Variants in ELAVL2 observed in about 807,000 individuals in gnomAD.
The protein encoded by ELAVL2 is ELAV like RNA binding protein 2.
Under a neutral mutation model 34.6 loss-of-function variants are expected in ELAVL2, and 4 were observed. The observed-to-expected ratio is 0.12, with a 90% CI of 0.06 to 0.26. The LOEUF (loss-of-function observed/expected upper bound fraction) is 0.26, where lower values mean the gene tolerates loss of function less well. Among genes scored for constraint, ELAVL2 ranks in the 10% least tolerant of loss-of-function variants. The probability of loss-of-function intolerance (pLI) is 1.00; values close to 1 mark genes in which losing one functional copy is unlikely to be tolerated. For missense variants in ELAVL2, 432 were observed against 442.8 expected (o/e 0.98, Z 0.22); for synonymous variants, 193 against 154.8 (o/e 1.25, Z -1.83).
intron 1 of ELAVL2, among the ~76,000 whole-genome samples, chr9:23,794,555 G>C (rs185767675): frequency 6.6e-6 from 1 of 152,324 alleles, no homozygotes; most frequent in African/African-American, 2.4e-5. Flanking sequence ...GGCTGAATAA[G>C]ATACATTCAG....
At chr9:23,797,811 C>A (rs1237105019) in intron 1 of ELAVL2, among the ~76,000 whole-genome samples, 1 of 152,126 alleles carries the variant, frequency 6.6e-6, no homozygotes, top group Non-Finnish European at 1.5e-5. Flanking sequence ...GCCTGTAATC[C>A]GAGCTACTCG....
At chr9:23,770,134 C>A (rs1000243282) in intron 1 of ELAVL2, among the ~76,000 whole-genome samples, 1 of 152,162 alleles carries the variant, frequency 6.6e-6, no homozygotes, top group Non-Finnish European at 1.5e-5. Flanking sequence ...TGCTGATTTG[C>A]TGTGGATGGT....
intron 2 of ELAVL2, among the ~76,000 whole-genome samples, chr9:23,752,219 C>T (rs964590326): frequency 1.3e-5 from 2 of 152,048 alleles, no homozygotes; most frequent in Non-Finnish European, 2.9e-5. Flanking sequence ...AAGAAACTGA[C>T]GTTCAGAGTC....
the ELAVL2 span, among the ~76,000 whole-genome samples, chr9:23,848,595 T>C: frequency 6.6e-6 from 1 of 152,192 alleles, no homozygotes; most frequent in East Asian, 1.9e-4. Flanking sequence ...AAGTCAGTTG[T>C]TAAAAATAAG....
At chr9:23,721,698 C>T (rs2134101958) in intron 3 of ELAVL2, among the ~76,000 whole-genome samples, 1 of 152,292 alleles carries the variant, frequency 6.6e-6, no homozygotes, top group Non-Finnish European at 1.5e-5. Flanking sequence ...CTCCCTCTTC[C>T]TCTGCCTACT....
At chr9:23,755,044 A>G (rs557035708) in intron 2 of ELAVL2, among the ~76,000 whole-genome samples, 9 of 152,218 alleles carry the variant, frequency 5.9e-5, no homozygotes, top group African/African-American at 1.9e-4. Context: ...ATGATTTCCT[A>G]TTCCGCAAAG....
At chr9:23,821,922 G>C (rs528949443) in intron 1 of ELAVL2, 1 of 151,252 alleles carries the variant, frequency 6.6e-6, no homozygotes, top group South Asian at 2.1e-4. Flanking sequence ...GCGGCGCCGC[G>C]GCCGCCGCCG....
At chr9:23,804,352 TTTCAAAG>T (rs1470986115) in intron 1 of ELAVL2, among the ~76,000 whole-genome samples, 4 of 152,058 alleles carry the variant, frequency 2.6e-5, no homozygotes, top group Non-Finnish European at 5.9e-5. Flanking sequence ...CTTTGAACAC[TTTCAAAG>T]AAAATACAAA....
At chr9:23,754,098 G>A (rs1056799894) in intron 2 of ELAVL2, among the ~76,000 whole-genome samples, 3 of 152,028 alleles carry the variant, frequency 2.0e-5, no homozygotes, top group African/African-American at 7.2e-5. Context: ...CTCTAAGACA[G>A]CTGTTGGAAA....
chr9:23,823,061 C>G (rs1386168173), intron 1 of ELAVL2, among the ~76,000 whole-genome samples: 1 of 152,000 alleles, frequency 6.6e-6, no homozygotes, highest in African/African-American at 2.4e-5. Flanking sequence ...GATAGGCCAT[C>G]CCTTAATTTG....
chr9:23,835,091 A>G, the ELAVL2 span, among the ~76,000 whole-genome samples: 1 of 152,042 alleles, frequency 6.6e-6, no homozygotes, highest in African/African-American at 2.4e-5. Flanking sequence ...TCTTTCTGCA[A>G]TCTGTTACTC....
At chr9:23,811,418 A>G (rs1323662173) in intron 1 of ELAVL2, among the ~76,000 whole-genome samples, 1 of 152,098 alleles carries the variant, frequency 6.6e-6, no homozygotes, top group Non-Finnish European at 1.5e-5. Flanking sequence ...AAGCACTGGC[A>G]TGAGAAAGCC....
At chr9:23,809,013 T>C (rs1787521671) in intron 1 of ELAVL2, among the ~76,000 whole-genome samples, 1 of 152,136 alleles carries the variant, frequency 6.6e-6, no homozygotes, top group South Asian at 2.1e-4. Context: ...AGGTCAAAGT[T>C]TAAGGTTACT....
At position 23,692,356 on chromosome 9, in the gene ELAVL2, T is replaced by A; in HGVS notation, c.*201A>T. On this transcript the variant is annotated 3_prime_UTR_variant, in exon 7 of 7. Coordinates refer to ENST00000397312, the MANE Select transcript of ELAVL2 (RefSeq NM_004432.5). ...AAAAACCCTGTACCTCTTGTCCATA[T>A]TCAAACATAAAAGATATTTAAGAAG... 1.6e-6 allele frequency: 1 copy of A among 606,314 alleles called. No individual in the cohort carries two copies. Among genetic ancestry groups the A allele is most frequent in the South Asian group, 2.5e-5 (1 of 40,476 alleles). The allele number at this position is 606,314 out of a possible 1,614,324, so 37.6% of individuals were successfully genotyped here. A position where few individuals can be genotyped will look rare whatever the true frequency, so the allele number is the denominator to read the frequency against.
chr9:23,736,319 T>C (rs529419598), intron 2 of ELAVL2, among the ~76,000 whole-genome samples: 1 of 152,140 alleles, frequency 6.6e-6, no homozygotes, highest in Admixed American at 6.5e-5. Flanking sequence ...TCATCTACAA[T>C]AAGCATTCAA....
At chr9:23,848,927 A>G in the ELAVL2 span, among the ~76,000 whole-genome samples, 2 of 152,232 alleles carry the variant, frequency 1.3e-5, no homozygotes, top group East Asian at 1.9e-4. Context: ...AGTTCTCTCC[A>G]TGGCAACAGC....
chr9:23,779,255 C>CT (rs1180124019), intron 1 of ELAVL2: 1 of 985,280 alleles, frequency 1.0e-6, no homozygotes, highest in Admixed American at 6.1e-5. Context: ...TTTTCTGCTG[C>CT]TTTTGGTTTA....
chr9:23,799,663 T>G (rs933610431), intron 1 of ELAVL2, among the ~76,000 whole-genome samples: 1 of 152,208 alleles, frequency 6.6e-6, no homozygotes, highest in Non-Finnish European at 1.5e-5. Flanking sequence ...TTGAAAGACA[T>G]GCAGGTCACC....
chr9:23,735,105 C>CAAAAAAAAAAAAAAAAAAAAAAAAAAAA lies in ELAVL2; in HGVS notation c.230-3981_230-3980insTTTTTTTTTTTTTTTTTTTTTTTTTTTT. ...CCAAAATGACAAAGCTAAGGCTCTT[C>CAAAAAAAAAAAAAAAAAAAAAAAAAAAA]AAAAAAAAAAAAAAAAAAAAAAGCC... On this transcript the variant is annotated intron_variant, in intron 2 of 6. Coordinates refer to ENST00000397312, the MANE Select transcript of ELAVL2 (RefSeq NM_004432.5). 1.2e-3 allele frequency: 34 copies of CAAAAAAAAAAAAAAAAAAAAAAAAAAAA among 27,962 alleles called. 4 individuals are homozygous for CAAAAAAAAAAAAAAAAAAAAAAAAAAAA. The highest frequency in any genetic ancestry group is 1.3e-3 in the Non-Finnish European group (20 of 15,480). The allele number at this position is 27,962 out of a possible 1,614,324, so 1.7% of individuals were successfully genotyped here. A position where few individuals can be genotyped will look rare whatever the true frequency, so the allele number is the denominator to read the frequency against.
Sources: gnomAD v4.1 joint callset for allele counts (sites outside exome capture counted in the v4.1 genomes callset) on GRCh38, gnomAD v4.1.1 for gene constraint, MANE v1.5 for transcripts, NCBI Gene and HGNC (gene_info 2026-07-23, HGNC 2026-07-21) for gene names.